TNRC6B: variants seen among roughly 807,000 people sequenced by gnomAD.
TNRC6B encodes the protein trinucleotide repeat containing adaptor 6B.
TNRC6B carries 52 observed loss-of-function variants against 203.6 expected under a neutral mutation model. The observed-to-expected ratio is 0.26, with a 90% CI of 0.20 to 0.32. The LOEUF (loss-of-function observed/expected upper bound fraction) is 0.32, where lower values mean the gene tolerates loss of function less well. Among genes scored for constraint, TNRC6B ranks in the 10% least tolerant of loss-of-function variants. TNRC6B has a pLI of 1.00. For missense variants in TNRC6B, 1,923 were observed against 2,286.2 expected, an observed-to-expected ratio of 0.84 and a Z score of 3.24; for synonymous variants, 838 against 845.7, an observed-to-expected ratio of 0.99 and a Z score of 0.16.
At chr22:40,173,828 G>T, upstream of TNRC6B, among the ~76,000 whole-genome samples, 1 of 70,016 alleles carries the variant, frequency 1.4e-5, no homozygotes, top group Admixed American at 2.4e-4. Context: ...TTTTGAGACA[G>T]AATCTCATTC....
intron 1 of TNRC6B, among the ~76,000 whole-genome samples, chr22:40,240,604 T>C (rs2070015264): frequency 6.6e-6 from 1 of 152,220 alleles, no homozygotes; most frequent in African/African-American, 2.4e-5. Context: ...AGTATTGCTT[T>C]GGAAGCCATA....
intron 16 of TNRC6B, among the ~76,000 whole-genome samples, 190 bp from the exon 17 acceptor site, chr22:40,310,627 G>A (rs1472368191): frequency 1.3e-5 from 2 of 152,160 alleles, no homozygotes; most frequent in African/African-American, 4.8e-5. Flanking sequence ...TCAGAGAGGC[G>A]AAATGACTTG....
intron 4 of TNRC6B, among the ~76,000 whole-genome samples, chr22:40,163,528 C>T (rs1409740249): frequency 2.2e-5 from 3 of 133,656 alleles, no homozygotes; most frequent in East Asian, 2.3e-4. Flanking sequence ...TTTGGGAGGC[C>T]GAGGCGGGCA....
chr22:40,169,078 A>G (rs773741377), intron 4 of TNRC6B, among the ~76,000 whole-genome samples: 14 of 151,478 alleles, frequency 9.2e-5, no homozygotes, highest in South Asian at 2.1e-4. Context: ...TGTGCAACAA[A>G]TAATGGTTGT....
intron 12 of TNRC6B, among the ~76,000 whole-genome samples, chr22:40,295,001 C>T (rs1447862416): frequency 6.6e-6 from 1 of 152,198 alleles, no homozygotes; most frequent in Non-Finnish European, 1.5e-5. Flanking sequence ...TAACACTCAG[C>T]ATCTCTTAGA....
At position 40,246,282 on chromosome 22, in the gene TNRC6B, C is replaced by T. The variant is rs2070106021; in HGVS notation, c.93+180C>T. On this transcript the variant is annotated intron_variant, in intron 2 of 22. Coordinates refer to ENST00000454349, the MANE Select transcript of TNRC6B (RefSeq NM_001162501.2). Reference sequence around the variant, plus strand: ...TTGGCTCACTACAACCTCCGCTTCCCAGGTTTAAGCGATGCTCCTCTCTCA... The same window carrying T: ...TTGGCTCACTACAACCTCCGCTTCCTAGGTTTAAGCGATGCTCCTCTCTCA... The T allele has an allele frequency of 1.5e-5, 6 of 389,734 alleles. No individual in the cohort carries two copies. The Admixed American group carries it at 2.1e-4, about 14-fold the overall frequency. 24.1% of individuals were successfully genotyped at this position (389,734 alleles called of 1,614,324 possible).
chr22:40,060,042 T>C (rs1411277482), intron 1 of TNRC6B, among the ~76,000 whole-genome samples: 2 of 151,726 alleles, frequency 1.3e-5, no homozygotes, highest in African/African-American at 2.4e-5. Flanking sequence ...TTGGCCAGGC[T>C]GGTCTCAAAC....
chr22:40,301,553 C>T (rs940705168), intron 15 of TNRC6B: 30 of 551,746 alleles, frequency 5.4e-5, no homozygotes, highest in Non-Finnish European at 8.6e-5. Context: ...AGGCCTCTAA[C>T]TTCTCTGGCT....
intron 1 of TNRC6B, among the ~76,000 whole-genome samples, chr22:40,232,954 A>G (rs2069895789): frequency 6.6e-6 from 1 of 152,040 alleles, no homozygotes; most frequent in African/African-American, 2.4e-5. Flanking sequence ...GATCAAGACC[A>G]TCCTGGCCAA....
intron 1 of TNRC6B, among the ~76,000 whole-genome samples, chr22:40,238,060 C>T (rs192651850): frequency 1.3e-5 from 2 of 152,058 alleles, no homozygotes; most frequent in Admixed American, 1.3e-4. Context: ...GCATCTCCCC[C>T]GGGAGGGTAG....
intron 2 of TNRC6B, chr22:40,125,719 A>C (rs1229116331): frequency 2.1e-6 from 3 of 1,424,752 alleles, no homozygotes; most frequent in Non-Finnish European, 2.8e-6. Flanking sequence ...TTTGAAAAAA[A>C]AATTTTTTTG....
At chr22:40,260,417 C>A (rs1010251493) in intron 3 of TNRC6B, among the ~76,000 whole-genome samples, 2 of 152,016 alleles carry the variant, frequency 1.3e-5, no homozygotes, top group Admixed American at 1.3e-4. Context: ...CTCAGGAAGT[C>A]ATGGCCTGGT....
At chr22:40,057,368 G>A (rs1352864346) in intron 1 of TNRC6B, among the ~76,000 whole-genome samples, 1 of 145,208 alleles carries the variant, frequency 6.9e-6, no homozygotes, top group Non-Finnish European at 1.5e-5. Flanking sequence ...ATCTCGGCTC[G>A]TCGCAACCTC....
intron 1 of TNRC6B, among the ~76,000 whole-genome samples, chr22:40,057,708 C>G (rs1257489206): frequency 2.6e-5 from 4 of 152,176 alleles, no homozygotes; most frequent in Non-Finnish European, 4.4e-5. Context: ...GTCAGCATAT[C>G]AAGAGAAATG....
intron 1 of TNRC6B, among the ~76,000 whole-genome samples, chr22:40,091,512 G>A (rs1471844611): frequency 1.3e-5 from 2 of 151,962 alleles, no homozygotes; most frequent in Admixed American, 6.6e-5. Context: ...TGACATTTAC[G>A]AGACAGTTGG....
intron 1 of TNRC6B, among the ~76,000 whole-genome samples, chr22:40,195,964 A>T (rs2069331894): frequency 6.6e-6 from 1 of 151,864 alleles, no homozygotes. Context: ...TATTTTTAGT[A>T]GACGGGGTTT....
intron 1 of TNRC6B, among the ~76,000 whole-genome samples, chr22:40,111,208 T>A (rs2068330770): frequency 6.6e-6 from 1 of 152,240 alleles, no homozygotes; most frequent in South Asian, 2.1e-4. Flanking sequence ...AACAGCACGT[T>A]CAACGGCACG....
chr22:40,221,504 A>G (rs2069707752), intron 1 of TNRC6B, among the ~76,000 whole-genome samples: 1 of 152,146 alleles, frequency 6.6e-6, no homozygotes, highest in South Asian at 2.1e-4. Flanking sequence ...TGGTGGCACA[A>G]TCACTGCTCA....
intron 3 of TNRC6B, among the ~76,000 whole-genome samples, chr22:40,127,262 T>C (rs2068501703): frequency 6.6e-6 from 1 of 152,202 alleles, no homozygotes; most frequent in South Asian, 2.1e-4. Context: ...TCTGCGGGGC[T>C]ATGATCTAGT....
Sources: gnomAD v4.1 joint callset for allele counts (sites outside exome capture counted in the v4.1 genomes callset) on GRCh38, gnomAD v4.1.1 for gene constraint, MANE v1.5 for transcripts, NCBI Gene and HGNC (gene_info 2026-07-23, HGNC 2026-07-21) for gene names.